Variants in NHEJ1 observed in about 807,000 individuals in gnomAD.
NHEJ1 encodes the protein non-homologous end-joining factor 1.
Under a neutral mutation model 39.4 loss-of-function variants are expected in NHEJ1, and 22 were observed. The observed-to-expected ratio is 0.56, with a 90% CI of 0.40 to 0.80. The LOEUF is 0.80. Ranked by LOEUF, NHEJ1 falls within the 30% of genes least tolerant of loss-of-function variation. The pLI, the probability that NHEJ1 is intolerant of heterozygous loss-of-function variation, is 0.00. For synonymous variants in NHEJ1, 154 were observed against 135.6 expected (o/e 1.14, Z -0.94); for missense variants, 329 against 357.1 (o/e 0.92, Z 0.63).
At chr2:219,128,311 T>C (rs1395438943) in intron 5 of NHEJ1, among the ~76,000 whole-genome samples, 1 of 152,120 alleles carries the variant, frequency 6.6e-6, no homozygotes, top group Non-Finnish European at 1.5e-5. Context: ...CTATTGAACT[T>C]GTATGGTAAG....
chr2:219,133,259 A>G (rs1191462364), intron 5 of NHEJ1, among the ~76,000 whole-genome samples: 1 of 152,272 alleles, frequency 6.6e-6, no homozygotes, highest in Non-Finnish European at 1.5e-5. Flanking sequence ...AGTGAAGGAT[A>G]TAAGAGAACG....
intron 5 of NHEJ1, among the ~76,000 whole-genome samples, chr2:219,134,792 C>CGTG (rs1358232096): frequency 6.6e-6 from 1 of 152,108 alleles, no homozygotes; most frequent in Non-Finnish European, 1.5e-5. Context: ...GTAATCCCAG[C>CGTG]ACTTTGGGAG....
Position 219,111,652 on chromosome 2 carries a change from C to G in NHEJ1, c.589-33446G>C, listed in dbSNP as rs961541611. On this transcript the variant is annotated intron_variant, in intron 5 of 7. Transcript: ENST00000356853. The surrounding 1 kb of genome is among the most constrained non-coding windows in gnomAD (Gnocchi z 4.1). ...AGACACACACACACACACACACACA[C>G]ACACACACACAGAGAGATACATACA... is the stretch of plus-strand genomic sequence containing the variant. Among the ~76,000 whole-genome samples the G allele has an allele frequency of 5.9e-5, 9 of 151,498 alleles. No individual in the cohort carries two copies. The highest frequency in any genetic ancestry group is 2.2e-4 in the African/African-American group (9 of 41,124).
chr2:219,156,329 T>C (rs1000522262), intron 3 of NHEJ1, among the ~76,000 whole-genome samples: 2 of 152,226 alleles, frequency 1.3e-5, no homozygotes, highest in Non-Finnish European at 2.9e-5. Flanking sequence ...CATCTATTGA[T>C]GCCAAAGCAT....
At chr2:219,138,693 A>G (rs1225580887) in intron 5 of NHEJ1, among the ~76,000 whole-genome samples, 2 of 152,244 alleles carry the variant, frequency 1.3e-5, no homozygotes, top group Non-Finnish European at 2.9e-5. Context: ...TTTTATGGCA[A>G]TATGTTGGAA....
chr2:219,139,761 C>G (rs1444011608), intron 5 of NHEJ1, among the ~76,000 whole-genome samples: 1 of 152,140 alleles, frequency 6.6e-6, no homozygotes, highest in Admixed American at 6.6e-5. Flanking sequence ...ACTGCAAGCT[C>G]TGAGACCTCC....
intron 5 of NHEJ1, among the ~76,000 whole-genome samples, chr2:219,144,459 GGAA>G (rs1252628137): frequency 6.6e-6 from 1 of 151,986 alleles, no homozygotes; most frequent in South Asian, 2.1e-4. Flanking sequence ...ATAGTAGCAG[GGAA>G]GAAGAATAGT....
chr2:219,147,551 T>C (rs1423804919), intron 4 of NHEJ1, 106 bp downstream of exon 4: 4 of 1,397,108 alleles, frequency 2.9e-6, no homozygotes, highest in African/African-American at 2.8e-5. Context: ...TCAGCACCCA[T>C]CCTGGGGGAG....
Position 219,158,278 on chromosome 2 carries a change from TA to T in NHEJ1, c.84del (p.Phe28LeufsTer34), listed in dbSNP as rs1389348626. 6.2e-7 allele frequency: 1 copy of T among 1,614,214 alleles called. No individual in the cohort carries two copies. On this transcript the variant is annotated frameshift_variant, in exon 2 of 8. Transcript: ENST00000356853. LOFTEE classifies it high-confidence loss of function. ...AACAAGGCATAGCCCTGCTTGGTGATAAAAACCTTGGCCAAGAGGGAGTTCT... is the reference window on the plus strand; with the variant it reads ...AACAAGGCATAGCCCTGCTTGGTGATAAAACCTTGGCCAAGAGGGAGTTCT... ...LAENSLLAKV[F>X]ITKQGYALLV...
In NHEJ1 at chr2:219,076,208, G is replaced by T; in HGVS notation, c.*173C>A. 7.0e-7 allele frequency: 1 copy of T among 1,428,498 alleles called. No homozygotes were observed. The highest frequency in any genetic ancestry group is 2.5e-5 in the East Asian group (1 of 40,300). 88.5% of individuals were successfully genotyped at this position (1,428,498 alleles called of 1,614,324 possible). ...CAGAGACTGGCTTCCACTTGAACAG[G>T]GAAGGCCAATTCCCTGTGGGCCTGT... On this transcript the variant is annotated 3_prime_UTR_variant, in exon 8 of 8. Transcript: ENST00000356853.
At chr2:219,130,568 G>A (rs1346147606) in intron 5 of NHEJ1, among the ~76,000 whole-genome samples, 1 of 152,174 alleles carries the variant, frequency 6.6e-6, no homozygotes, top group Admixed American at 6.5e-5. Context: ...AAAGTTATGA[G>A]TTACGAGCGC....
rs980565740 is a variant in NHEJ1 at position 219,070,340 on chromosome 2, C to A, written c.*6041G>T. ...TAGACTAGCTGGGATTACAGGTGTG[C>A]GCCACCACATCCAGCTAATTTTTGT... On this transcript the variant is annotated 3_prime_UTR_variant, in exon 8 of 8. Transcript: ENST00000356853. Among the ~76,000 whole-genome samples, 3 of 152,236 alleles carry A rather than the reference C, an allele frequency of 2.0e-5. No homozygotes were observed. Among genetic ancestry groups the A allele is most frequent in the South Asian group, 4.1e-4 (2 of 4,824 alleles).
chr2:219,108,249 C>T (rs1949331694), intron 5 of NHEJ1, among the ~76,000 whole-genome samples: 2 of 152,234 alleles, frequency 1.3e-5, no homozygotes, highest in Non-Finnish European at 2.9e-5. Flanking sequence ...GCCCTCCTTC[C>T]ACACATCTTG....
In NHEJ1 at chr2:219,147,713, T is replaced by C. The variant is rs751006580; in HGVS notation, c.473A>G (p.His158Arg). The change falls in exon 4 of 8, where the codon CAT becomes CGT. Residue 158 changes from histidine to arginine, a missense_variant. Coordinates refer to ENST00000356853, the MANE Select transcript of NHEJ1 (RefSeq NM_024782.3). Reference sequence around the variant, plus strand: ...GTCTTGGATCTCTAGGTCTTTCATATGAAGTAACGTTGCTAGCTCCCTCAC... The same window carrying C: ...GTCTTGGATCTCTAGGTCTTTCATACGAAGTAACGTTGCTAGCTCCCTCAC... Reference protein sequence around the residue: ...CQVRELATLLHMKDLEIQDYQ... With the variant: ...CQVRELATLLRMKDLEIQDYQ... 2 of 1,614,230 alleles carry C rather than the reference T, an allele frequency of 1.2e-6. No homozygotes were observed. Among genetic ancestry groups the C allele is most frequent in the East Asian group, 2.2e-5 (1 of 44,892 alleles).
chr2:219,142,646 A>G (rs557223797), intron 5 of NHEJ1, among the ~76,000 whole-genome samples: 32 of 152,338 alleles, frequency 2.1e-4, no homozygotes, highest in Admixed American at 1.4e-3. Flanking sequence ...CTAGACTGAG[A>G]GTGGGCTCTG....
intron 5 of NHEJ1, among the ~76,000 whole-genome samples, chr2:219,092,440 C>T (rs762702070): frequency 9.2e-5 from 14 of 152,196 alleles, no homozygotes; most frequent in Non-Finnish European, 1.9e-4. Context: ...AGTCTAATAA[C>T]CATAATTTCA....
At chr2:219,093,210 G>A (rs192610245) in intron 5 of NHEJ1, among the ~76,000 whole-genome samples, 9 of 152,256 alleles carry the variant, frequency 5.9e-5, no homozygotes, top group Middle Eastern at 3.4e-3. Context: ...ACCTTAGGGA[G>A]GAGGGAAAGC....
chr2:219,077,081 G>C (rs1949020732), intron 7 of NHEJ1, among the ~76,000 whole-genome samples, 165 bp downstream of exon 7: 1 of 152,206 alleles, frequency 6.6e-6, no homozygotes, highest in African/African-American at 2.4e-5. Context: ...AGATGTGCAA[G>C]ACCATGACTC....
At chr2:219,093,212 A>T (rs1949177413) in intron 5 of NHEJ1, among the ~76,000 whole-genome samples, 1 of 152,094 alleles carries the variant, frequency 6.6e-6, no homozygotes, top group Non-Finnish European at 1.5e-5. Context: ...CTTAGGGAGG[A>T]GGGAAAGCCA....
Sources: allele counts gnomAD v4.1 joint callset (sites outside exome capture counted in the v4.1 genomes callset), GRCh38; gene constraint gnomAD v4.1.1; non-coding constraint Gnocchi (gnomAD v3.1); transcripts MANE v1.5; gene names NCBI Gene and HGNC (gene_info 2026-07-23, HGNC 2026-07-21).